FHIT: variants seen among roughly 807,000 people sequenced by gnomAD.
FHIT encodes the protein bis(5'-adenosyl)-triphosphatase.
In FHIT, 19 loss-of-function variants were observed where a neutral mutation model predicts 17.9. The observed-to-expected ratio is 1.06, with a 90% confidence interval of 0.74 to 1.56. The LOEUF is 1.56. Among genes scored for constraint, FHIT ranks in the 40% most tolerant of loss-of-function variants. The pLI is 0.00. For synonymous variants in FHIT, 81 were observed against 69.7 expected, an observed-to-expected ratio of 1.16 and a Z score of -0.81; for missense variants, 248 against 189.2, an observed-to-expected ratio of 1.31 and a Z score of -1.82.
intron 5 of FHIT, among the ~76,000 whole-genome samples, chr3:60,299,964 G>A (rs968936427): frequency 6.6e-6 from 1 of 152,102 alleles, no homozygotes; most frequent in African/African-American, 2.4e-5. Context: ...CCTACAGTGA[G>A]CAGGCTTTCG....
At chr3:60,368,491 G>T (rs934213712) in intron 5 of FHIT, among the ~76,000 whole-genome samples, 1 of 151,772 alleles carries the variant, frequency 6.6e-6, no homozygotes, top group Non-Finnish European at 1.5e-5. Context: ...CACCTTTTAT[G>T]TTGCCTTAAA....
At chr3:60,062,558 C>T (rs941856636) in intron 5 of FHIT, among the ~76,000 whole-genome samples, 1 of 152,118 alleles carries the variant, frequency 6.6e-6, no homozygotes, top group African/African-American at 2.4e-5. Flanking sequence ...GAATTTAACC[C>T]CAGGTCTCCC....
chr3:59,906,223 T>A (rs928119880), intron 8 of FHIT, among the ~76,000 whole-genome samples: 1 of 152,218 alleles, frequency 6.6e-6, no homozygotes, highest in African/African-American at 2.4e-5. Context: ...CCCAAGGACA[T>A]GAAAACTATT....
At chr3:60,020,182 C>T (rs1257502513) in intron 5 of FHIT, among the ~76,000 whole-genome samples, 1 of 152,150 alleles carries the variant, frequency 6.6e-6, no homozygotes, top group Non-Finnish European at 1.5e-5. Flanking sequence ...CATTATGTTG[C>T]CACATTTTTA....
At chr3:60,033,036 C>A (rs926978189) in intron 5 of FHIT, among the ~76,000 whole-genome samples, 5 of 152,126 alleles carry the variant, frequency 3.3e-5, no homozygotes, top group African/African-American at 4.8e-5. Context: ...AAAAAAAATT[C>A]AATGGCATAA....
intron 4 of FHIT, among the ~76,000 whole-genome samples, chr3:60,677,254 G>T (rs1577059454): frequency 6.6e-6 from 1 of 152,172 alleles, no homozygotes; most frequent in East Asian, 1.9e-4. Context: ...GTCAAGTCTG[G>T]GCTTTTAATG....
chr3:60,894,806 T>C (rs1705704229), intron 3 of FHIT, among the ~76,000 whole-genome samples: 1 of 152,188 alleles, frequency 6.6e-6, no homozygotes, highest in African/African-American at 2.4e-5. Context: ...CATTTGCTAT[T>C]ATTTTGCCAT....
intron 5 of FHIT, among the ~76,000 whole-genome samples, chr3:60,312,397 C>T (rs1336412385): frequency 6.6e-6 from 1 of 152,072 alleles, no homozygotes; most frequent in African/African-American, 2.4e-5. Context: ...CTTGCCTTGG[C>T]CCCCCAAAGT....
chr3:60,022,331 C>G (rs1379433715), intron 5 of FHIT, among the ~76,000 whole-genome samples: 2 of 152,200 alleles, frequency 1.3e-5, no homozygotes, highest in Non-Finnish European at 2.9e-5. Flanking sequence ...GTTTGCCAAA[C>G]AGTTCAGGTT....
intron 5 of FHIT, among the ~76,000 whole-genome samples, chr3:60,184,423 T>C (rs948837531): frequency 6.6e-6 from 1 of 152,188 alleles, no homozygotes; most frequent in African/African-American, 2.4e-5. Context: ...TTAATAGTAC[T>C]GAGGCAAGTA....
intron 5 of FHIT, among the ~76,000 whole-genome samples, chr3:60,328,151 G>A (rs1397129179): frequency 7.9e-6 from 1 of 126,822 alleles, no homozygotes; most frequent in African/African-American, 3.1e-5. Context: ...AGGGAGCACA[G>A]GCAATGTAGT....
intron 2 of FHIT, among the ~76,000 whole-genome samples, chr3:61,189,497 G>C (rs1387671191): frequency 2.0e-5 from 3 of 152,170 alleles, no homozygotes; most frequent in Non-Finnish European, 4.4e-5. Flanking sequence ...TGGTGAAAAT[G>C]GCCATACTGC....
At chr3:60,722,707 CT>C (rs1157024624) in intron 4 of FHIT, among the ~76,000 whole-genome samples, 1,865 of 104,968 alleles carry the variant, frequency 0.018, 14 homozygotes, top group Non-Finnish European at 0.025. Flanking sequence ...TACCTTAAAT[CT>C]TTTTTTTTTT....
At chr3:60,634,631 G>A (rs58003683) in intron 4 of FHIT, among the ~76,000 whole-genome samples, 2,028 of 152,260 alleles carry the variant, frequency 0.013, 55 homozygotes, top group African/African-American at 0.047. Flanking sequence ...GTAATGCAGT[G>A]CTGTGTGGCC....
At chr3:61,209,410 G>T (rs1478564613) in intron 1 of FHIT, among the ~76,000 whole-genome samples, 1 of 152,168 alleles carries the variant, frequency 6.6e-6, no homozygotes, top group African/African-American at 2.4e-5. Flanking sequence ...CCTGCAGAGT[G>T]TTTTCCAACT....
chr3:60,742,348 CAA>C (rs782583381), intron 4 of FHIT, among the ~76,000 whole-genome samples: 4 of 152,210 alleles, frequency 2.6e-5, no homozygotes, highest in South Asian at 4.2e-4. Context: ...CTGGAAAAAT[CAA>C]AAGAGACATT....
chr3:61,081,434 T>C (rs996511061), intron 2 of FHIT, among the ~76,000 whole-genome samples: 33 of 152,224 alleles, frequency 2.2e-4, no homozygotes, highest in African/African-American at 7.5e-4. Flanking sequence ...AGGAAAAAAC[T>C]GTTCCCTCAA....
intron 8 of FHIT, among the ~76,000 whole-genome samples, chr3:59,783,561 A>G (rs916230164): frequency 6.6e-6 from 1 of 152,210 alleles, no homozygotes; most frequent in African/African-American, 2.4e-5. Context: ...ATCACCAGGC[A>G]CTTTCTGACA....
chr3:60,169,566 T>C (rs1431122071), intron 5 of FHIT, among the ~76,000 whole-genome samples: 1 of 152,198 alleles, frequency 6.6e-6, no homozygotes, highest in Non-Finnish European at 1.5e-5. Flanking sequence ...AACAGAAAAC[T>C]ATTAAGGCCC....
Sources: gnomAD v4.1 joint callset for allele counts (sites outside exome capture counted in the v4.1 genomes callset) on GRCh38, gnomAD v4.1.1 for gene constraint, MANE v1.5 for transcripts, NCBI Gene and HGNC (gene_info 2026-07-23, HGNC 2026-07-21) for gene names.